The following CRADD variants were observed in gnomAD, a reference collection of about 807,000 sequenced individuals.
CRADD encodes death domain-containing protein CRADD.
Under a neutral mutation model 15.5 loss-of-function variants are expected in CRADD, and 9 were observed. The ratio of observed to expected loss-of-function variants is 0.58; its 90% CI spans 0.35 to 1.01. The LOEUF is 1.01. CRADD is among the 50% of genes least tolerant of loss of function. CRADD has a pLI of 0.02. For missense variants in CRADD, 227 were observed against 250.3 expected, an observed-to-expected ratio of 0.91 and a Z score of 0.63; for synonymous variants, 118 against 107.6, an observed-to-expected ratio of 1.10 and a Z score of -0.60.
chr12:93,820,698 G>A (rs1957760159), intron 2 of CRADD, among the ~76,000 whole-genome samples: 1 of 152,220 alleles, frequency 6.6e-6, no homozygotes, highest in Non-Finnish European at 1.5e-5. Context: ...ACCAAGTATA[G>A]TGGTTCTTCT....
intron 2 of CRADD, among the ~76,000 whole-genome samples, chr12:93,844,201 A>G (rs1474630822): frequency 6.6e-6 from 1 of 152,234 alleles, no homozygotes; most frequent in Non-Finnish European, 1.5e-5. Context: ...CGCTAGTGGC[A>G]TGCATGCTAG....
At position 93,863,273 on chromosome 12, in the gene CRADD, G is replaced by A. The variant is rs142748713; in HGVS notation, c.299-30777G>A. Among the ~76,000 whole-genome samples the A allele has an allele frequency of 3.0e-3, 463 of 152,182 alleles. 5 individuals are homozygous for A. The highest frequency in any genetic ancestry group is 0.01 in the African/African-American group (432 of 41,516). ...GGTCTTGCCCTATAACAGCAGCCCC[G>A]AGCCAGGAAAGTTCTGTCTATAGCC... On this transcript the variant is annotated intron_variant, in intron 2 of 2. Transcript: ENST00000548483.
intron 2 of CRADD, among the ~76,000 whole-genome samples, chr12:93,806,839 G>T (rs1167698925): frequency 6.6e-6 from 1 of 152,138 alleles, no homozygotes; most frequent in Admixed American, 6.6e-5. Context: ...TCAGTAAAAA[G>T]CTTATATGTA....
chr12:93,689,245 G>T (rs961582395), intron 2 of CRADD, among the ~76,000 whole-genome samples: 1 of 152,158 alleles, frequency 6.6e-6, no homozygotes, highest in African/African-American at 2.4e-5. Flanking sequence ...TTTTCTGGTG[G>T]TGCAGCTTCA....
intron 2 of CRADD, among the ~76,000 whole-genome samples, chr12:93,868,065 TG>T (rs1357501551): frequency 2.0e-5 from 3 of 152,200 alleles, no homozygotes; most frequent in African/African-American, 7.2e-5. Context: ...AATTTACTGT[TG>T]GGGAGTATAG....
chr12:93,858,086 A>G (rs1010555057), intron 2 of CRADD, among the ~76,000 whole-genome samples: 2 of 152,152 alleles, frequency 1.3e-5, no homozygotes, highest in African/African-American at 2.4e-5. Flanking sequence ...GCTGTCTGTT[A>G]TCTATTGTCA....
intron 2 of CRADD, among the ~76,000 whole-genome samples, chr12:93,711,055 C>CCCCTT: frequency 2.9e-3 from 125 of 43,514 alleles, no homozygotes; most frequent in Non-Finnish European, 3.5e-3. Flanking sequence ...CCACCCCCGC[C>CCCCTT]TTTTTTTTTT....
intron 2 of CRADD, chr12:93,816,115 A>G (rs2137012957): frequency 6.6e-6 from 1 of 152,378 alleles, no homozygotes; most frequent in East Asian, 1.9e-4. Context: ...ATTAATTTGA[A>G]TGATATATTT....
chr12:93,854,214 G>A (rs1397345495), downstream of CRADD, among the ~76,000 whole-genome samples: 4 of 139,140 alleles, frequency 2.9e-5, no homozygotes, highest in African/African-American at 1.1e-4. Flanking sequence ...TCGTGTATCT[G>A]TGGTCAGCTG....
At chr12:93,887,432 C>T (rs527480293) in intron 2 of CRADD, among the ~76,000 whole-genome samples, 1 of 152,294 alleles carries the variant, frequency 6.6e-6, no homozygotes, top group East Asian at 1.9e-4. Flanking sequence ...GATTTGAAGC[C>T]ATGTCCGTCT....
At chr12:93,752,215 C>G (rs544763533) in intron 2 of CRADD, among the ~76,000 whole-genome samples, 1 of 152,168 alleles carries the variant, frequency 6.6e-6, no homozygotes, top group African/African-American at 2.4e-5. Flanking sequence ...TTCCAGGTAG[C>G]CTTCCAAAGT....
intron 2 of CRADD, among the ~76,000 whole-genome samples, chr12:93,770,455 A>C (rs9971903): frequency 0.4 from 60,514 of 151,654 alleles, 13,216 homozygotes; most frequent in East Asian, 0.8. Context: ...TAGATCTACA[A>C]TCCACATGGA....
intron 2 of CRADD, among the ~76,000 whole-genome samples, chr12:93,841,812 G>C (rs918205787): frequency 3.9e-5 from 6 of 152,100 alleles, no homozygotes; most frequent in Non-Finnish European, 1.5e-5. Context: ...TGCTGGAACG[G>C]GACAGTCTCT....
At chr12:93,841,250 C>T (rs188297633) in intron 2 of CRADD, among the ~76,000 whole-genome samples, 1 of 152,152 alleles carries the variant, frequency 6.6e-6, no homozygotes, top group East Asian at 1.9e-4. Context: ...ATAATTTTTG[C>T]TTCTAAAATC....
At chr12:93,813,972 A>G (rs1192138262) in intron 2 of CRADD, among the ~76,000 whole-genome samples, 1 of 152,122 alleles carries the variant, frequency 6.6e-6, no homozygotes, top group African/African-American at 2.4e-5. Flanking sequence ...GACTTGGAAG[A>G]TATTGCTCCT....
rs189090479 is a variant in CRADD at position 93,808,757 on chromosome 12, G to A, written c.299-41213G>A. 1.4e-4 allele frequency among the ~76,000 whole-genome samples: 22 copies of A among 152,198 alleles called. No individual in the cohort carries two copies. In the East Asian group the frequency reaches 4.3e-3, roughly 29 times the overall value. ...TGAGTAGCTGCATGCACTGAGTACT[G>A]CATTGCTTGCCCAGGTCACCTCTGA... On this transcript the variant is annotated intron_variant, in intron 2 of 2. Transcript: ENST00000332896.
At chr12:93,741,193 C>T (rs1207912645) in intron 2 of CRADD, among the ~76,000 whole-genome samples, 2 of 152,144 alleles carry the variant, frequency 1.3e-5, no homozygotes, top group African/African-American at 4.8e-5. Flanking sequence ...ATTACAGATG[C>T]AATGATTTTG....
chr12:93,778,142 TC>T (rs2136968224), intron 2 of CRADD, among the ~76,000 whole-genome samples: 1 of 152,322 alleles, frequency 6.6e-6, no homozygotes, highest in South Asian at 2.1e-4. Flanking sequence ...TGATTAACTA[TC>T]CTGGATATGC....
In CRADD at chr12:93,720,739, G is replaced by T. The variant is rs188478768; in HGVS notation, c.298+41667G>T. Among the ~76,000 whole-genome samples, 129 of 152,208 alleles carry T rather than the reference G, an allele frequency of 8.5e-4. 1 individual carries two copies. The highest frequency in any genetic ancestry group is 2.6e-3 in the African/African-American group (109 of 41,530). On this transcript the variant is annotated intron_variant, in intron 2 of 2. Transcript: ENST00000332896. ...GAAATTACTGTAGCTACTCCCACTT[G>T]CTTTTGATTATTGTTAGTGTGGTAT...
Sources: gnomAD v4.1 joint callset for allele counts (sites outside exome capture counted in the v4.1 genomes callset) on GRCh38, gnomAD v4.1.1 for gene constraint, MANE v1.5 for transcripts, NCBI Gene and HGNC (gene_info 2026-07-23, HGNC 2026-07-21) for gene names.